The following NLRP11 variants were observed in gnomAD, a reference collection of about 807,000 sequenced individuals.
The protein encoded by NLRP11 is NACHT, LRR and PYD domains-containing protein 11.
NLRP11 carries 53 observed loss-of-function variants against 79.3 expected under a neutral mutation model. The observed-to-expected ratio is 0.67, with a 90% CI of 0.54 to 0.84. NLRP11 has a LOEUF of 0.84. Among genes scored for constraint, NLRP11 ranks in the 40% least tolerant of loss-of-function variants. The probability of loss-of-function intolerance (pLI) is 0.00; values close to 1 mark genes in which losing one functional copy is unlikely to be tolerated. For missense variants in NLRP11, 1,264 were observed against 1,255.0 expected (o/e 1.01, Z -0.11); for synonymous variants, 518 against 462.6 (o/e 1.12, Z -1.54).
intron 4 of NLRP11, among the ~76,000 whole-genome samples, 162 bp from the exon 5 acceptor site, chr19:55,801,901 T>C (rs936778214): frequency 7.2e-5 from 11 of 152,236 alleles, no homozygotes; most frequent in Admixed American, 2.6e-4. Context: ...CAGAAGACTA[T>C]TGCTAATTCC....
chr19:55,808,843 A>T lies in NLRP11; in HGVS notation c.1767T>A (p.Cys589Ter). The T allele has an allele frequency of 6.2e-7, 1 of 1,614,088 alleles. No individual in the cohort carries two copies. Among genetic ancestry groups the T allele is most frequent in the Non-Finnish European group, 8.5e-7 (1 of 1,179,924 alleles). ...CACTCAACTTAAGTGTCCTCAGGTG[A>T]CAGCAGTAATCCAGACAGTATAATG... is the stretch of plus-strand genomic sequence containing the variant. Residue 589 changes from cysteine to a stop codon, truncating the protein, a stop_gained, in exon 3 of 10, where the codon TGT becomes TGA. Transcript: ENST00000589093. LOFTEE classifies it high-confidence loss of function.
At position 55,794,685 on chromosome 19, in the gene NLRP11, G is replaced by A. The variant is rs570111959; in HGVS notation, c.2342+1395C>T. ...TGAGGCAGGAGAATGGCGTGAACCC[G>A]GGAGGCGGAGCTTGCAGTGAGCCGA... On this transcript the variant is annotated intron_variant, in intron 6 of 9. Coordinates refer to ENST00000589093, the Ensembl canonical transcript of NLRP11. Among the ~76,000 whole-genome samples the A allele has an allele frequency of 3.8e-3, 578 of 152,174 alleles. 1 individual carries two copies. Among genetic ancestry groups the A allele is most frequent in the African/African-American group, 0.013 (548 of 41,528 alleles).
chr19:55,798,284 C>T (rs1045264838), intron 5 of NLRP11: 34 of 980,488 alleles, frequency 3.5e-5, no homozygotes, highest in South Asian at 1.9e-4. Context: ...AGGCGTGAGC[C>T]GTCGCGTTGG....
chr19:55,796,840 T>C (rs1298102707), intron 5 of NLRP11, among the ~76,000 whole-genome samples: 16 of 152,020 alleles, frequency 1.1e-4, no homozygotes, highest in Non-Finnish European at 1.9e-4. Context: ...AGGCATGCGT[T>C]ACCACACCCG....
rs796648684 is a variant in NLRP11 at position 55,795,532 on chromosome 19, C to CA, written c.2342+547dup. ...TGAGACAGAGCCTCGCTCTGTCACC[C>CA]AGGCTGGAGTGCAGTGGCACAATCT... On this transcript the variant is annotated intron_variant, in intron 6 of 9. Coordinates refer to ENST00000589093, the Ensembl canonical transcript of NLRP11. Among the ~76,000 whole-genome samples, 56 of 152,084 alleles carry CA rather than the reference C, an allele frequency of 3.7e-4. 1 individual carries two copies. Among genetic ancestry groups the CA allele is most frequent in the African/African-American group, 1.3e-3 (52 of 41,498 alleles).
chr19:55,817,605 G>C (rs953841139), intron 2 of NLRP11, among the ~76,000 whole-genome samples: 1 of 152,114 alleles, frequency 6.6e-6, no homozygotes, highest in African/African-American at 2.4e-5. Flanking sequence ...TTTCTCTTAA[G>C]TGGGAGCTAA....
At chr19:55,815,188 C>T (rs555900021) in intron 2 of NLRP11, among the ~76,000 whole-genome samples, 2 of 152,226 alleles carry the variant, frequency 1.3e-5, no homozygotes, top group South Asian at 4.2e-4. Flanking sequence ...CATTCATATG[C>T]ACCCCTATTA....
At chr19:55,798,394 CA>C (rs1568631219) in intron 5 of NLRP11, 1 of 939,288 alleles carries the variant, frequency 1.1e-6, no homozygotes, top group Non-Finnish European at 1.3e-6. Flanking sequence ...TTATCCTTAG[CA>C]AACTAACATA....
At chr19:55,797,890 T>C (rs574520029) in intron 5 of NLRP11, among the ~76,000 whole-genome samples, 2 of 152,278 alleles carry the variant, frequency 1.3e-5, no homozygotes, top group African/African-American at 4.8e-5. Context: ...TTTGGTGTTT[T>C]AAACATCTAC....
At chr19:55,817,071 A>G (rs1981190079) in intron 2 of NLRP11, among the ~76,000 whole-genome samples, 2 of 152,200 alleles carry the variant, frequency 1.3e-5, no homozygotes, top group Non-Finnish European at 2.9e-5. Context: ...GAAAAAATGA[A>G]TATGAAAAAA....
chr19:55,796,061 C>A lies in NLRP11; in HGVS notation c.2342+19G>T. 1 of 1,597,008 alleles carries A rather than the reference C, an allele frequency of 6.3e-7. No individual in the cohort carries two copies. Among genetic ancestry groups the A allele is most frequent in the Non-Finnish European group, 8.6e-7 (1 of 1,166,084 alleles). ...TCAGTCTGAGCTTCTACGTGGTGAG[C>A]TCGTCTAAGCCAACTTACACCAGTG... On this transcript the variant is annotated intron_variant, in intron 6 of 9. Transcript: ENST00000589093.
intron 6 of NLRP11, 92 bp downstream of exon 6, chr19:55,795,988 G>A: frequency 8.5e-7 from 1 of 1,173,682 alleles, no homozygotes; most frequent in South Asian, 1.4e-5. Flanking sequence ...TTGCTTTGCT[G>A]TCCCTTTCCC....
At chr19:55,831,700 C>T (rs1982803300) in intron 1 of NLRP11, among the ~76,000 whole-genome samples, 1 of 151,816 alleles carries the variant, frequency 6.6e-6, no homozygotes, top group Non-Finnish European at 1.5e-5. Flanking sequence ...CACTTCAAAA[C>T]ATCATGCTGC....
At chr19:55,807,982 A>G (rs1980167803) in exon 4 of NLRP11, 4 of 1,611,984 alleles carry the variant, frequency 2.5e-6, no homozygotes, top group Non-Finnish European at 3.4e-6. Context: ...AAGAGAGCAG[A>G]TCTCTCTCCA....
At chr19:55,805,633 G>A (rs10402443) in intron 4 of NLRP11, among the ~76,000 whole-genome samples, 10,714 of 151,904 alleles carry the variant, frequency 0.071, 787 homozygotes, top group African/African-American at 0.18. Context: ...TGCGCCTCCC[G>A]GGTTTAAGCG....
chr19:55,833,968 C>T (rs1983026211), upstream of NLRP11, among the ~76,000 whole-genome samples: 1 of 151,680 alleles, frequency 6.6e-6, no homozygotes, highest in South Asian at 2.1e-4. Context: ...AAAATGGATC[C>T]CTTCTCCCTA....
intron 1 of NLRP11, among the ~76,000 whole-genome samples, chr19:55,818,825 T>TGAGCC (rs1476205588): frequency 2.0e-5 from 3 of 152,068 alleles, no homozygotes; most frequent in Non-Finnish European, 2.9e-5. Context: ...TGTTAGTATA[T>TGAGCC]AAATGAGCCA....
At chr19:55,808,999 T>C (rs1186361304) in exon 3 of NLRP11, 1 of 1,614,050 alleles carries the variant, frequency 6.2e-7, no homozygotes, top group Non-Finnish European at 8.5e-7. Context: ...GCGTCAACTT[T>C]TCCGGGTCAC....
chr19:55,808,529 T>C (rs1568635757), intron 3 of NLRP11, among the ~76,000 whole-genome samples: 1 of 152,164 alleles, frequency 6.6e-6, no homozygotes, highest in Admixed American at 6.5e-5. Flanking sequence ...TCTTACAATG[T>C]GCAAGATAGA....
Sources: allele counts gnomAD v4.1 joint callset (sites outside exome capture counted in the v4.1 genomes callset), GRCh38; gene constraint gnomAD v4.1.1; transcripts MANE v1.5; gene names NCBI Gene and HGNC (gene_info 2026-07-23, HGNC 2026-07-21).